SLC44A2: variants seen among roughly 807,000 people sequenced by gnomAD.
SLC44A2 encodes choline transporter-like protein 2.
In SLC44A2, 57 loss-of-function variants were observed where a neutral mutation model predicts 90.8. The observed-to-expected ratio is 0.63, with a 90% CI of 0.51 to 0.78. The LOEUF is 0.78. SLC44A2 is among the 30% of genes least tolerant of loss of function. The probability of loss-of-function intolerance (pLI) is 0.00; values close to 1 mark genes in which losing one functional copy is unlikely to be tolerated. For missense variants in SLC44A2, 794 were observed against 919.7 expected (o/e 0.86, Z 1.77); for synonymous variants, 355 against 360.7 (o/e 0.98, Z 0.18).
upstream of SLC44A2, among the ~76,000 whole-genome samples, chr19:10,622,630 G>C (rs960092334): frequency 6.6e-6 from 1 of 152,042 alleles, no homozygotes; most frequent in Non-Finnish European, 1.5e-5. Context: ...GGCCAGGCAC[G>C]GTGGCTCACA....
At chr19:10,634,682 A>G in intron 10 of SLC44A2, 74 bp from the exon 11 acceptor site, 5 of 1,602,930 alleles carry the variant, frequency 3.1e-6, no homozygotes, top group Middle Eastern at 1.7e-4. Context: ...CTTCTGTTAA[A>G]TGGGGGCAGT....
chr19:10,613,158 A>C (rs1918357108), intron 1 of SLC44A2, among the ~76,000 whole-genome samples: 1 of 152,048 alleles, frequency 6.6e-6, no homozygotes, highest in Admixed American at 6.6e-5. Flanking sequence ...CCCGGGCTCA[A>C]GCGATTCTCC....
upstream of SLC44A2, among the ~76,000 whole-genome samples, chr19:10,621,439 TTTG>T (rs1330738351): frequency 4.8e-4 from 70 of 144,972 alleles, no homozygotes; most frequent in Non-Finnish European, 9.0e-4. Context: ...TTTTTTTTTT[TTTG>T]GTTTTTGTGG....
chr19:10,630,102 G>A (rs1279656277), intron 4 of SLC44A2, among the ~76,000 whole-genome samples: 3 of 152,146 alleles, frequency 2.0e-5, no homozygotes, highest in African/African-American at 4.8e-5. Context: ...GGTGGCTCAC[G>A]CCTGTAATCC....
At chr19:10,617,734 C>T (rs771639071) in intron 1 of SLC44A2, among the ~76,000 whole-genome samples, 6 of 152,196 alleles carry the variant, frequency 3.9e-5, no homozygotes, top group Non-Finnish European at 7.3e-5. Flanking sequence ...TCGGTTCTCT[C>T]TCCTATAAAA....
intron 4 of SLC44A2, among the ~76,000 whole-genome samples, chr19:10,630,089 C>T (rs978765570): frequency 6.6e-6 from 1 of 152,166 alleles, no homozygotes; most frequent in African/African-American, 2.4e-5. Context: ...ATAGGCCGGG[C>T]ACGGTGGCTC....
chr19:10,634,459 C>T (rs1387372861), intron 10 of SLC44A2, among the ~76,000 whole-genome samples: 6 of 147,036 alleles, frequency 4.1e-5, no homozygotes, highest in South Asian at 4.2e-4. Context: ...AGTGAAACTC[C>T]GTCTCAAAAA....
chr19:10,636,641 G>A (rs1489953037), intron 15 of SLC44A2, 21 bp from the exon 16 acceptor site: 3 of 1,610,862 alleles, frequency 1.9e-6, no homozygotes, highest in East Asian at 2.2e-5. Flanking sequence ...CCCAGCCACC[G>A]ACCACTCCCT....
At chr19:10,642,795 C>A in intron 21 of SLC44A2, 1 of 1,366,718 alleles carries the variant, frequency 7.3e-7, no homozygotes, top group Non-Finnish European at 9.7e-7. Context: ...CTCTCTTCCT[C>A]TCCTCCATGC....
chr19:10,631,149 GGTCCCC>G lies in SLC44A2; in HGVS notation c.330+9_330+14del. ...CAATGTCCCACTCCCCAGGTAACCT[GGTCCCC>G]ACCGTTCCCTTTTTCCTCTCCCCGC... On this transcript the variant is annotated intron_variant, in intron 5 of 21. Coordinates refer to ENST00000335757, the MANE Select transcript of SLC44A2 (RefSeq NM_020428.4). 2 of 1,612,814 alleles carry G rather than the reference GGTCCCC, an allele frequency of 1.2e-6. No individual in the cohort carries two copies. The highest frequency in any genetic ancestry group is 3.3e-5 in the Admixed American group (2 of 59,936).
rs924564833 is a variant in SLC44A2 at position 10,631,633 on chromosome 19, G to A, written c.510G>A (p.Arg170=). The change falls in exon 8 of 22, where the codon CGG becomes CGA. Residue 170 remains arginine, a synonymous_variant. Coordinates refer to ENST00000335757, the MANE Select transcript of SLC44A2 (RefSeq NM_020428.4). ...AVLIPSKPLA[R]RCFPAIHAYK... ...ATCCTCTGCTCCATGCAGTGGCCCGGAGATGCTTCCCCGCTATCCACGCCT... is the reference window on the plus strand; with the variant it reads ...ATCCTCTGCTCCATGCAGTGGCCCGAAGATGCTTCCCCGCTATCCACGCCT... The A allele has an allele frequency of 6.2e-7, 1 of 1,613,734 alleles. No homozygotes were observed. The highest frequency in any genetic ancestry group is 8.5e-7 in the Non-Finnish European group (1 of 1,180,036).
intron 16 of SLC44A2, chr19:10,636,983 C>G (rs1258477035): frequency 4.0e-6 from 2 of 499,768 alleles, no homozygotes; most frequent in Non-Finnish European, 7.1e-6. Context: ...GGGACAGGCC[C>G]AAGAGGCCTG....
At position 10,643,047 on chromosome 19, in the gene SLC44A2, G is replaced by A. The variant is rs530420835; in HGVS notation, c.2015-232G>A. On this transcript the variant is annotated intron_variant, in intron 21 of 21. Coordinates refer to ENST00000335757, the MANE Select transcript of SLC44A2 (RefSeq NM_020428.4). ...GTGAGGGAGACTGGCGTGGGGGCCA[G>A]GTTTCCTCCATGTAGACTGGGGGTG... 10 of 1,498,370 alleles carry A rather than the reference G, an allele frequency of 6.7e-6. No homozygotes were observed. In the East Asian group the frequency reaches 2.1e-4, roughly 31 times the overall value. 92.8% of individuals were successfully genotyped at this position (1,498,370 alleles called of 1,614,324 possible). A position where few individuals can be genotyped will look rare whatever the true frequency, so the allele number is the denominator to read the frequency against.
intron 21 of SLC44A2, chr19:10,642,988 G>A (rs2067134577): frequency 2.5e-6 from 4 of 1,580,764 alleles, no homozygotes; most frequent in South Asian, 2.2e-5. Context: ...GGAGTGCGGA[G>A]GAGGGGAAGC....
At chr19:10,614,601 C>T (rs559167219) in intron 1 of SLC44A2, among the ~76,000 whole-genome samples, 6 of 152,238 alleles carry the variant, frequency 3.9e-5, no homozygotes, top group Non-Finnish European at 7.4e-5. Flanking sequence ...CTTAGCCTTA[C>T]GGACAACATA....
intron 1 of SLC44A2, among the ~76,000 whole-genome samples, chr19:10,605,201 T>C (rs1222061553): frequency 6.6e-6 from 1 of 151,846 alleles, no homozygotes; most frequent in African/African-American, 2.4e-5. Flanking sequence ...GCTACCACAG[T>C]GAAACCCCAT....
At chr19:10,631,215 G>T in intron 5 of SLC44A2, 60 bp from the exon 6 acceptor site, 3 of 1,604,676 alleles carry the variant, frequency 1.9e-6, no homozygotes, top group South Asian at 1.1e-5. Context: ...TGTGGGCTGC[G>T]ACCTCAGTCC....
chr19:10,638,625 A>AT lies in SLC44A2; in HGVS notation c.1929+316dup, dbSNP rs534879052. 8.9e-4 allele frequency among the ~76,000 whole-genome samples: 135 copies of AT among 150,874 alleles called. 1 individual carries two copies. The highest frequency in any genetic ancestry group is 3.1e-3 in the African/African-American group (129 of 40,976). ...ACACCTGCCTAATTTTTGTATATTT[A>AT]TTTTTTAATTTTAATTTAATTTTTT... is the stretch of plus-strand genomic sequence containing the variant. On this transcript the variant is annotated intron_variant, in intron 20 of 21. Transcript: ENST00000335757.
intron 1 of SLC44A2, among the ~76,000 whole-genome samples, chr19:10,609,061 G>A (rs139344023): frequency 1.3e-5 from 2 of 149,256 alleles, no homozygotes; most frequent in African/African-American, 2.5e-5. Flanking sequence ...GGGTTCAAGC[G>A]ATTCTTCTGC....
Sources: gnomAD v4.1 joint callset for allele counts (sites outside exome capture counted in the v4.1 genomes callset) on GRCh38, gnomAD v4.1.1 for gene constraint, MANE v1.5 for transcripts, NCBI Gene and HGNC (gene_info 2026-07-23, HGNC 2026-07-21) for gene names.